Variants in RUVBL2 observed in about 807,000 individuals in gnomAD.
RUVBL2 encodes ruvB-like 2.
Under a neutral mutation model 57.9 loss-of-function variants are expected in RUVBL2, and 9 were observed. The ratio of observed to expected loss-of-function variants is 0.16; its 90% CI spans 0.09 to 0.27. The LOEUF (loss-of-function observed/expected upper bound fraction) is 0.27. Ranked by LOEUF, RUVBL2 falls within the 10% of genes least tolerant of loss-of-function variation. The pLI, the probability that RUVBL2 is intolerant of heterozygous loss-of-function variation, is 1.00. For synonymous variants in RUVBL2, 278 were observed against 264.6 expected, an observed-to-expected ratio of 1.05 and a Z score of -0.49; for missense variants, 456 against 669.6, an observed-to-expected ratio of 0.68 and a Z score of 3.52.
Position 49,011,440 on chromosome 19 carries a change from CT to C in RUVBL2, c.1001+132del. ...GCGTGACTGCAGTGTGCGCTCTTTG[CT>C]TACAAAAGGCGGGTGGGAGGCAGCT... On this transcript the variant is annotated intron_variant, in intron 11 of 14. Coordinates refer to ENST00000595090, the MANE Select transcript of RUVBL2 (RefSeq NM_006666.3). The surrounding 1 kb of genome is among the most constrained non-coding windows in gnomAD (Gnocchi z 4.4). 1.4e-6 allele frequency: 1 copy of C among 707,956 alleles called. No individual in the cohort carries two copies. The highest frequency in any genetic ancestry group is 2.4e-6 in the Non-Finnish European group (1 of 416,010). The allele number at this position is 707,956 out of a possible 1,614,324, so 43.9% of individuals were successfully genotyped here.
intron 4 of RUVBL2, 58 bp downstream of exon 4, chr19:49,004,476 G>A (rs2122608661): frequency 6.5e-7 from 1 of 1,532,434 alleles, no homozygotes; most frequent in Non-Finnish European, 8.9e-7. Context: ...CTCCTCCTGT[G>A]TAAGTCAGGG....
Position 49,010,426 on chromosome 19 carries a change from G to GGCCCCCTTCATGCCCTTCCCTGCCCTGTC in RUVBL2, c.664-61_664-33dup. 1.9e-6 allele frequency: 3 copies of GGCCCCCTTCATGCCCTTCCCTGCCCTGTC among 1,579,506 alleles called. No individual in the cohort carries two copies. The Admixed American group carries it at 5.0e-5, about 27-fold the overall frequency. On this transcript the variant is annotated intron_variant, in intron 8 of 14. Transcript: ENST00000595090. ...TCTCCCCCAGACAGAGGGCTTTAGG[G>GGCCCCCTTCATGCCCTTCCCTGCCCTGTC]GCCCCCTTCATGCCCTTCCCTGCCC...
At chr19:48,995,997 AAAAAAG>A (rs1478316858) in intron 1 of RUVBL2, among the ~76,000 whole-genome samples, 1,520 of 151,142 alleles carry the variant, frequency 0.01, 28 homozygotes, top group African/African-American at 0.035. Context: ...AAAAAAAAAA[AAAAAAG>A]AAAAGAAAAG....
intron 4 of RUVBL2, among the ~76,000 whole-genome samples, chr19:49,006,812 TCTCA>T (rs1178216074): frequency 6.6e-6 from 1 of 152,244 alleles, no homozygotes; most frequent in African/African-American, 2.4e-5. Flanking sequence ...CTGCCTGGCT[TCTCA>T]CTCACTGTCT....
intron 12 of RUVBL2, 47 bp downstream of exon 12, chr19:49,014,650 T>C (rs374132701): frequency 6.2e-7 from 1 of 1,604,568 alleles, no homozygotes; most frequent in Non-Finnish European, 8.5e-7. Context: ...GGCTGGGGTC[T>C]ACCCTGTTTG....
chr19:48,998,717 G>GAA (rs1048739224), intron 1 of RUVBL2, among the ~76,000 whole-genome samples: 1 of 116,800 alleles, frequency 8.6e-6, no homozygotes, highest in South Asian at 2.8e-4. Flanking sequence ...CAAAAAATAA[G>GAA]AAAAAAAAAA....
intron 2 of RUVBL2, among the ~76,000 whole-genome samples, chr19:49,002,094 G>C (rs986987535): frequency 2.6e-5 from 4 of 151,708 alleles, no homozygotes. Context: ...TGTTGCCCAG[G>C]CTGGAGTGCA....
At position 49,010,483 on chromosome 19, in the gene RUVBL2, CATA is replaced by C; in HGVS notation, c.664-4_664-2del. ...CGCCGTTCTTCCCCCACCCCCGCCC[CATA>C]GACCAAGTTCGTGCAGTGCCCAGAT... On this transcript the variant is annotated splice_acceptor_variant and splice_polypyrimidine_tract_variant and intron_variant, in intron 8 of 14. Coordinates refer to ENST00000595090, the MANE Select transcript of RUVBL2 (RefSeq NM_006666.3). LOFTEE classifies it high-confidence loss of function. 2 of 1,575,664 alleles carry C rather than the reference CATA, an allele frequency of 1.3e-6. No homozygotes were observed. Among genetic ancestry groups the C allele is most frequent in the South Asian group, 1.1e-5 (1 of 90,070 alleles).
At chr19:49,007,209 G>T in intron 5 of RUVBL2, 62 bp downstream of exon 5, 3 of 1,608,628 alleles carry the variant, frequency 1.9e-6, no homozygotes, top group Non-Finnish European at 2.6e-6. Context: ...CCGCACCCCG[G>T]GCGGCTCGTC....
At chr19:49,008,845 G>A (rs183897863) in intron 6 of RUVBL2, among the ~76,000 whole-genome samples, 153 of 152,142 alleles carry the variant, frequency 1.0e-3, no homozygotes, top group Admixed American at 3.2e-3. Context: ...TGGGCGTGGT[G>A]GTGGGTGCTT....
In RUVBL2 at chr19:49,007,346, T is replaced by C. The variant is rs752129371; in HGVS notation, c.440T>C (p.Ile147Thr). ...GAAGGGGAGGTGGTGGAGATCCAGA[T>C]TGATCGACCAGCAACAGGGACGGTG... ...IIEGEVVEIQIDRPATGTGSK... is the reference protein window; with the variant it reads ...IIEGEVVEIQTDRPATGTGSK... The change falls in exon 6 of 15, where the codon ATT becomes ACT. Residue 147 changes from isoleucine to threonine, a missense_variant. Transcript: ENST00000595090. 3 of 1,613,906 alleles carry C rather than the reference T, an allele frequency of 1.9e-6. No individual in the cohort carries two copies. The highest frequency in any genetic ancestry group is 2.2e-5 in the East Asian group (1 of 44,892).
rs531626854 is a variant in RUVBL2, at chr19:49,010,193, G to T, written c.663+127G>T. ...CTGACTGTTTGTCCTGGTACTCCTG[G>T]GTCTTCCCTGTAACCCTAGGACAGC... On this transcript the variant is annotated intron_variant, in intron 8 of 14. Coordinates refer to ENST00000595090, the MANE Select transcript of RUVBL2 (RefSeq NM_006666.3). 95 of 922,548 alleles carry T rather than the reference G, an allele frequency of 1.0e-4. No individual in the cohort carries two copies. In the African/African-American group the frequency reaches 1.4e-3, roughly 13 times the overall value. 57.1% of individuals were successfully genotyped at this position (922,548 alleles called of 1,614,324 possible). A position where few individuals can be genotyped will look rare whatever the true frequency, so the allele number is the denominator to read the frequency against.
rs1204217655 is a variant in RUVBL2 at position 49,015,798 on chromosome 19, GCCTT to G, written c.1367-13_1367-10del. 4.3e-6 allele frequency: 7 copies of G among 1,614,056 alleles called. No individual in the cohort carries two copies. The highest frequency in any genetic ancestry group is 5.1e-6 in the Non-Finnish European group (6 of 1,179,968). On this transcript the variant is annotated splice_polypyrimidine_tract_variant and intron_variant, in intron 14 of 14. Coordinates refer to ENST00000595090, the MANE Select transcript of RUVBL2 (RefSeq NM_006666.3). ...CCACCTGGGCGACACTGACCATGTG[GCCTT>G]CCTTCTCCCCACAGAAGGCGAGACC...
chr19:49,011,062 G>T lies in RUVBL2; in HGVS notation c.851G>T (p.Arg284Leu). 1 of 1,613,404 alleles carries T rather than the reference G, an allele frequency of 6.2e-7. No individual in the cohort carries two copies. The highest frequency in any genetic ancestry group is 8.5e-7 in the Non-Finnish European group (1 of 1,179,898). ...EQINAKVAEW[R>L]EEGKAEIIPG... ...ATCAATGCCAAGGTGGCTGAGTGGC[G>T]CGAGGAGGGCAAGGCGGAGATCATC... The change falls in exon 10 of 15, where the codon CGC becomes CTC. Residue 284 changes from arginine to leucine, a missense_variant. Arg to Leu is a moderately radical substitution (Grantham distance 102, BLOSUM62 -2). Coordinates refer to ENST00000595090, the MANE Select transcript of RUVBL2 (RefSeq NM_006666.3). The surrounding 1 kb of genome is among the most constrained non-coding windows in gnomAD (Gnocchi z 4.4).
intron 11 of RUVBL2, among the ~76,000 whole-genome samples, chr19:49,012,866 C>T (rs1006485697): frequency 2.0e-5 from 3 of 151,768 alleles, no homozygotes; most frequent in Non-Finnish European, 4.4e-5. Flanking sequence ...CACACACACA[C>T]ACACACACAC....
rs373525858 is a variant in RUVBL2, at chr19:49,004,390, G to A, written c.237G>A (p.Pro79=). ...AGRAVLIAGQ[P]GTGKTAIAMG... ...GGGCAGTCCTTATTGCTGGCCAGCC[G>A]GGCACGGGGAAGACGGCCATCGCCA... The change falls in exon 4 of 15, where the codon CCG becomes CCA. Residue 79 remains proline (P), a synonymous_variant. Coordinates refer to ENST00000595090, the MANE Select transcript of RUVBL2 (RefSeq NM_006666.3). 3.3e-5 allele frequency: 53 copies of A among 1,613,022 alleles called. No individual in the cohort carries two copies. Among genetic ancestry groups the A allele is most frequent in the South Asian group, 3.1e-4 (28 of 91,062 alleles).
chr19:48,996,388 C>T (rs1040769179), intron 1 of RUVBL2, among the ~76,000 whole-genome samples: 3 of 152,008 alleles, frequency 2.0e-5, no homozygotes, highest in African/African-American at 7.2e-5. Context: ...GTGGTGTGAT[C>T]TTGGCTCCCT....
chr19:49,014,815 C>T (rs949165310), intron 12 of RUVBL2, among the ~76,000 whole-genome samples: 7 of 152,308 alleles, frequency 4.6e-5, no homozygotes, highest in East Asian at 1.9e-4. Context: ...TTGGGGCCAG[C>T]GCCCTGGGGG....
At chr19:49,005,836 A>G (rs2039271827) in intron 4 of RUVBL2, among the ~76,000 whole-genome samples, 1 of 152,166 alleles carries the variant, frequency 6.6e-6, no homozygotes, top group South Asian at 2.1e-4. Flanking sequence ...GGATTTCACC[A>G]TGTTGACCAG....
Sources: allele counts gnomAD v4.1 joint callset (sites outside exome capture counted in the v4.1 genomes callset), GRCh38; gene constraint gnomAD v4.1.1; non-coding constraint Gnocchi (gnomAD v3.1); transcripts MANE v1.5; gene names NCBI Gene and HGNC (gene_info 2026-07-23, HGNC 2026-07-21).